Variants in KLHDC4 observed in about 807,000 individuals in gnomAD.
KLHDC4 encodes kelch domain-containing protein 4.
KLHDC4 carries 90 observed loss-of-function variants against 62.4 expected under a neutral mutation model. That is an observed-to-expected ratio of 1.44 (90% confidence interval 1.22 to 1.72). The LOEUF is 1.72. Among genes scored for constraint, KLHDC4 ranks in the 40% most tolerant of loss-of-function variants. The pLI is 0.00. For synonymous variants in KLHDC4, 386 were observed against 284.4 expected (o/e 1.36, Z -3.59); for missense variants, 1,025 against 699.7 (o/e 1.47, Z -5.25).
In KLHDC4 at chr16:87,715,361, G is replaced by A. The variant is rs545080487; in HGVS notation, c.760-788C>T. ...GCCCACACCAATGTCCTCCCAGCAT[G>A]AATACCTTCCTCTCCTTGGCGCCCT... is the stretch of plus-strand genomic sequence containing the variant. On this transcript the variant is annotated intron_variant, in intron 7 of 11. Coordinates refer to ENST00000270583, the MANE Select transcript of KLHDC4 (RefSeq NM_017566.4). Among the ~76,000 whole-genome samples the A allele has an allele frequency of 4.6e-5, 7 of 152,258 alleles. No individual in the cohort carries two copies. In the South Asian group the frequency reaches 1.5e-3, roughly 32 times the overall value.
intron 7 of KLHDC4, 121 bp from the exon 8 acceptor site, chr16:87,714,694 C>T (rs1284035022): frequency 4.1e-6 from 4 of 979,490 alleles, no homozygotes; most frequent in Non-Finnish European, 6.3e-6. Context: ...TAGACCAGCC[C>T]CAAAGCTCCA....
intron 6 of KLHDC4, among the ~76,000 whole-genome samples, chr16:87,727,275 G>A (rs2039538770): frequency 6.6e-6 from 1 of 152,196 alleles, no homozygotes; most frequent in Non-Finnish European, 1.5e-5. Flanking sequence ...GGCCCACAGA[G>A]GCAGAGGAAT....
At chr16:87,707,446 G>C, downstream of KLHDC4, among the ~76,000 whole-genome samples, 1 of 152,252 alleles carries the variant, frequency 6.6e-6, no homozygotes, top group Middle Eastern at 3.4e-3. Context: ...CGCTGCACAC[G>C]AGGAGCCCCC....
intron 6 of KLHDC4, among the ~76,000 whole-genome samples, chr16:87,729,736 C>G (rs896811399): frequency 6.6e-6 from 1 of 152,204 alleles, no homozygotes; most frequent in African/African-American, 2.4e-5. Flanking sequence ...TGTGCTATCA[C>G]TGCTCTCCCG....
chr16:87,718,243 T>C (rs2037394266), intron 7 of KLHDC4, among the ~76,000 whole-genome samples: 2 of 151,496 alleles, frequency 1.3e-5, no homozygotes, highest in South Asian at 4.2e-4. Flanking sequence ...CAAACCAGCT[T>C]TACATTCACG....
At chr16:87,757,520 C>G (rs2045167929) in intron 2 of KLHDC4, 1 of 150,662 alleles carries the variant, frequency 6.6e-6, no homozygotes, top group South Asian at 2.1e-4. Flanking sequence ...TGCCAGATAT[C>G]TTCCATCTAG....
intron 1 of KLHDC4, chr16:87,765,126 G>C (rs4843266): frequency 0.16 from 73,529 of 455,878 alleles, 6,443 homozygotes; most frequent in African/African-American, 0.22. Context: ...CATAAAACTG[G>C]CCCCGGTTAG....
chr16:87,726,869 T>G lies in KLHDC4; in HGVS notation c.655A>C (p.Ser219Arg). 2 of 1,613,710 alleles carry G rather than the reference T, an allele frequency of 1.2e-6. No individual in the cohort carries two copies. The highest frequency in any genetic ancestry group is 1.7e-6 in the Non-Finnish European group (2 of 1,179,846). The change falls in exon 7 of 12, where the codon AGC (serine) becomes CGC (arginine). Residue 219 changes from serine to arginine, a missense_variant. Physicochemically the swap from Ser to Arg is moderately radical, Grantham distance 110. Transcript: ENST00000270583. ...CCCGTCCCTGACGGGGACAGCTTGC[T>G]CCATGTGAAGGTGTCCAGATTAAAG... is the stretch of plus-strand genomic sequence containing the variant. Reference protein sequence around the residue: ...YAFNLDTFTWSKLSPSGTGPT... With the variant: ...YAFNLDTFTWRKLSPSGTGPT...
chr16:87,744,416 CAA>C (rs34553451), intron 5 of KLHDC4, among the ~76,000 whole-genome samples: 80 of 108,214 alleles, frequency 7.4e-4, no homozygotes, highest in Admixed American at 9.3e-4. Flanking sequence ...ACTCCGTCTC[CAA>C]AAAAAAAAAA....
intron 7 of KLHDC4, among the ~76,000 whole-genome samples, chr16:87,718,275 T>TTTGCTC (rs1567684487): frequency 2.8e-5 from 4 of 142,834 alleles, no homozygotes; most frequent in African/African-American, 1.1e-4. Flanking sequence ...CAAAAACCGA[T>TTTGCTC]TCGCTCTCGC....
At chr16:87,738,357 GCACACA>G (rs112406800) in intron 5 of KLHDC4, among the ~76,000 whole-genome samples, 21 of 149,850 alleles carry the variant, frequency 1.4e-4, no homozygotes, top group South Asian at 8.4e-4. Context: ...ACACGGACGT[GCACACA>G]CACACACACA....
intron 5 of KLHDC4, among the ~76,000 whole-genome samples, chr16:87,742,313 C>G (rs2042356948): frequency 6.6e-6 from 1 of 152,202 alleles, no homozygotes; most frequent in African/African-American, 2.4e-5. Context: ...CCACATAGCA[C>G]TCAGAGCCTG....
intron 7 of KLHDC4, among the ~76,000 whole-genome samples, chr16:87,717,793 C>T (rs1044380541): frequency 3.4e-5 from 5 of 148,732 alleles, no homozygotes; most frequent in African/African-American, 1.0e-4. Context: ...AAACTCAAAT[C>T]GCTGCTTAGC....
chr16:87,708,825 C>T (rs1386622669), intron 10 of KLHDC4, among the ~76,000 whole-genome samples: 1 of 152,244 alleles, frequency 6.6e-6, no homozygotes, highest in Admixed American at 6.5e-5. Context: ...TTGCTTTAGT[C>T]TCAGATCTTT....
At chr16:87,704,150 C>T (rs1469455), downstream of KLHDC4, among the ~76,000 whole-genome samples, 11,431 of 152,318 alleles carry the variant, frequency 0.075, 626 homozygotes, top group Admixed American at 0.18. Context: ...AAGCACACGG[C>T]GCCGCCACCT....
intron 6 of KLHDC4, among the ~76,000 whole-genome samples, chr16:87,727,172 G>C (rs1013332020): frequency 1.1e-5 from 1 of 93,176 alleles, no homozygotes; most frequent in Non-Finnish European, 2.2e-5. Flanking sequence ...CTGGAGACAG[G>C]GCAACATTTT....
intron 1 of KLHDC4, among the ~76,000 whole-genome samples, chr16:87,764,868 G>GTGT (rs2046399287): frequency 6.6e-6 from 1 of 151,186 alleles, no homozygotes; most frequent in Non-Finnish European, 1.5e-5. Flanking sequence ...CCTAAGAGGA[G>GTGT]TGTGAGGGAA....
intron 5 of KLHDC4, among the ~76,000 whole-genome samples, chr16:87,737,510 C>A (rs1433879733): frequency 6.6e-6 from 1 of 151,960 alleles, no homozygotes; most frequent in Non-Finnish European, 1.5e-5. Flanking sequence ...ATCACTTGAA[C>A]TCAGGAGGCG....
At position 87,709,569 on chromosome 16, in the gene KLHDC4, A is replaced by G. The variant is rs1186507901; in HGVS notation, c.1143T>C (p.Pro381=). 6.2e-6 allele frequency: 10 copies of G among 1,612,988 alleles called. No individual in the cohort carries two copies. The highest frequency in any genetic ancestry group is 8.5e-6 in the Non-Finnish European group (10 of 1,179,932). ...PACGGAGTQG[P]VQLVKEVVAE... ...CCACCACCTCCTTGACCAGCTGCAC[A>G]GGCCCCTGGGTGCCAGCTCCCCCAC... The change falls in exon 10 of 12, where the codon CCT becomes CCC. Residue 381 remains proline (P), a synonymous_variant. Transcript: ENST00000270583.
Sources: gnomAD v4.1 joint callset for allele counts (sites outside exome capture counted in the v4.1 genomes callset) on GRCh38, gnomAD v4.1.1 for gene constraint, MANE v1.5 for transcripts, NCBI Gene and HGNC (gene_info 2026-07-23, HGNC 2026-07-21) for gene names.